Variants in TSHR observed in about 807,000 individuals in gnomAD.
TSHR encodes the protein thyrotropin receptor.
In TSHR, 51 loss-of-function variants were observed where a neutral mutation model predicts 64.1. The observed-to-expected ratio is 0.80, with a 90% CI of 0.64 to 1.01. The LOEUF (loss-of-function observed/expected upper bound fraction) is 1.01. Among genes scored for constraint, TSHR ranks in the 50% least tolerant of loss-of-function variants. The probability of loss-of-function intolerance (pLI) is 0.00; values close to 1 mark genes in which losing one functional copy is unlikely to be tolerated. For synonymous variants in TSHR, 361 were observed against 361.9 expected (o/e 1.00, Z 0.03); for missense variants, 877 against 942.8 (o/e 0.93, Z 0.91).
chr14:81,005,194 C>T (rs1398873654), intron 1 of TSHR, among the ~76,000 whole-genome samples: 1 of 109,322 alleles, frequency 9.1e-6, no homozygotes, highest in African/African-American at 3.7e-5. Context: ...GGGACTCAAG[C>T]CTTTGTGTGT....
intron 2 of TSHR, among the ~76,000 whole-genome samples, chr14:81,067,753 T>C (rs1158289533): frequency 6.8e-6 from 1 of 147,708 alleles, no homozygotes. Context: ...GAAGAGTTCC[T>C]CAAAATAGCA....
At chr14:81,099,875 GTCT>G (rs1368689292) in intron 7 of TSHR, among the ~76,000 whole-genome samples, 1 of 152,174 alleles carries the variant, frequency 6.6e-6, no homozygotes, top group Non-Finnish European at 1.5e-5. Context: ...TTCAAAAGAG[GTCT>G]TCTTCAATCA....
At chr14:81,105,239 T>A in intron 7 of TSHR, 1 of 985,012 alleles carries the variant, frequency 1.0e-6, no homozygotes. Flanking sequence ...AGACTGATAA[T>A]CCCAGGAAAT....
At chr14:80,968,326 C>T (rs534036950) in intron 1 of TSHR, among the ~76,000 whole-genome samples, 1 of 152,114 alleles carries the variant, frequency 6.6e-6, no homozygotes, top group South Asian at 2.1e-4. Context: ...TTATGTCTAG[C>T]TCCCATAATA....
rs144330088 is a variant in TSHR, at chr14:80,971,599, T to G, written c.170+15749T>G. Among the ~76,000 whole-genome samples the G allele has an allele frequency of 3.9e-3, 601 of 152,300 alleles. 7 individuals carry two copies. The highest frequency in any genetic ancestry group is 0.013 in the African/African-American group (542 of 41,562). On this transcript the variant is annotated intron_variant, in intron 1 of 9. Coordinates refer to ENST00000298171, the MANE Select transcript of TSHR (RefSeq NM_000369.5). ...TGCATTGTCATTCACCTTAATCTAT[T>G]TGTTTGGGGTTTTTGTTGGTTTTGT...
At chr14:81,108,856 A>G in intron 8 of TSHR, 1 of 1,474,736 alleles carries the variant, frequency 6.8e-7, no homozygotes, top group Non-Finnish European at 8.9e-7. Context: ...ACAAAGAAGG[A>G]AGAATATAAA....
Position 81,023,591 on chromosome 14 carries a change from T to C in TSHR, c.171-38557T>C, listed in dbSNP as rs1222484641. Among the ~76,000 whole-genome samples the C allele has an allele frequency of 2.6e-5, 4 of 152,140 alleles. No homozygotes were observed. The South Asian group carries it at 6.2e-4, about 24-fold the overall frequency. On this transcript the variant is annotated intron_variant, in intron 1 of 9. Coordinates refer to ENST00000298171, the MANE Select transcript of TSHR (RefSeq NM_000369.5). ...CTGGGTGGCCAGGGGCATTGTTCAA[T>C]ATCAAAAGAACCTTAAATGGCAGTC...
Position 81,146,136 on chromosome 14 carries a change from C to A in TSHR, c.*1783C>A, listed in dbSNP as rs533352869. The stretch of plus-strand genomic sequence containing the variant: ...GTTGCCTTTTGTCATGTGTTTCTCT[C>A]CTGTGACATTTCAAAATATCACATC... On this transcript the variant is annotated 3_prime_UTR_variant, in exon 10 of 10. Transcript: ENST00000298171. 3 of 228,112 alleles carry A rather than the reference C, an allele frequency of 1.3e-5. No individual in the cohort carries two copies. The South Asian group carries it at 5.5e-4, about 42-fold the overall frequency. 14.1% of individuals were successfully genotyped at this position (228,112 alleles called of 1,614,324 possible). A position where few individuals can be genotyped will look rare whatever the true frequency, so the allele number is the denominator to read the frequency against.
intron 7 of TSHR, 103 bp downstream of exon 7, chr14:81,096,810 C>T: frequency 7.7e-7 from 1 of 1,294,974 alleles, no homozygotes; most frequent in Non-Finnish European, 1.1e-6. Flanking sequence ...GAGCATCTTC[C>T]ACGCCAGAGT....
intron 3 of TSHR, among the ~76,000 whole-genome samples, chr14:81,069,403 C>T (rs1886896516): frequency 6.6e-6 from 1 of 152,096 alleles, no homozygotes; most frequent in African/African-American, 2.4e-5. Flanking sequence ...TACATCAGAT[C>T]AACTATTGGT....
chr14:81,105,427 A>G (rs908023293), intron 7 of TSHR, among the ~76,000 whole-genome samples: 8 of 152,216 alleles, frequency 5.3e-5, no homozygotes, highest in African/African-American at 1.9e-4. Flanking sequence ...TGATGGTTTC[A>G]CTTTTAAGCA....
At chr14:80,973,746 T>C (rs1388951484) in intron 1 of TSHR, among the ~76,000 whole-genome samples, 2 of 152,242 alleles carry the variant, frequency 1.3e-5, no homozygotes, top group East Asian at 1.9e-4. Context: ...TATAATAATA[T>C]TGGCTTCTAT....
intron 8 of TSHR, among the ~76,000 whole-genome samples, chr14:81,127,867 C>A (rs376112773): frequency 1.3e-5 from 2 of 152,112 alleles, no homozygotes; most frequent in Non-Finnish European, 2.9e-5. Context: ...TCCATTAAAC[C>A]TTTTTCTTTA....
In TSHR at chr14:81,144,488, G is replaced by A; in HGVS notation, c.*135G>A. On this transcript the variant is annotated 3_prime_UTR_variant, in exon 10 of 10. Coordinates refer to ENST00000298171, the MANE Select transcript of TSHR (RefSeq NM_000369.5). ...GCAGGCGATGTTTCAATGTTTCATG[G>A]GGCAAGAGTTTATCTCTGGAGAGTG... 1.1e-6 allele frequency: 1 copy of A among 908,652 alleles called. No individual in the cohort carries two copies. Among genetic ancestry groups the A allele is most frequent in the Non-Finnish European group, 1.7e-6 (1 of 580,808 alleles). The allele number at this position is 908,652 out of a possible 1,614,324, so 56.3% of individuals were successfully genotyped here. A position where few individuals can be genotyped will look rare whatever the true frequency, so the allele number is the denominator to read the frequency against.
intron 3 of TSHR, among the ~76,000 whole-genome samples, chr14:81,079,973 G>C (rs1349414073): frequency 1.3e-5 from 2 of 151,042 alleles, no homozygotes; most frequent in Non-Finnish European, 2.9e-5. Context: ...TTGTTTTTGA[G>C]ACGGAGTCTT....
At position 81,006,047 on chromosome 14, in the gene TSHR, A is replaced by G. The variant is rs139997287; in HGVS notation, c.170+50197A>G. Among the ~76,000 whole-genome samples the G allele has an allele frequency of 3.3e-4, 51 of 152,296 alleles. No homozygotes were observed. In the East Asian group the frequency reaches 8.7e-3, roughly 26 times the overall value. On this transcript the variant is annotated intron_variant, in intron 1 of 9. Coordinates refer to ENST00000298171, the MANE Select transcript of TSHR (RefSeq NM_000369.5). ...GTAAAAGGCATAACTGGGCTTCACAATGGTATTTTTGACTCATGTATTATC... is the reference window on the plus strand; with the variant it reads ...GTAAAAGGCATAACTGGGCTTCACAGTGGTATTTTTGACTCATGTATTATC...
Position 81,131,204 on chromosome 14 carries a change from C to T in TSHR, c.693-8475C>T, listed in dbSNP as rs1484094781. Among the ~76,000 whole-genome samples, 4 of 152,130 alleles carry T rather than the reference C, an allele frequency of 2.6e-5. No homozygotes were observed. In the South Asian group the frequency reaches 6.2e-4, roughly 24 times the overall value. On this transcript the variant is annotated intron_variant, in intron 8 of 9. Transcript: ENST00000298171. ...TCTTGGAGTCATTCTCAACCCTTCT[C>T]TTTCTCACATACCCCATATCCCATC...
intron 1 of TSHR, among the ~76,000 whole-genome samples, chr14:80,997,337 G>T (rs773645543): frequency 6.6e-6 from 1 of 152,110 alleles, no homozygotes; most frequent in Admixed American, 6.6e-5. Flanking sequence ...AGCTAAACAC[G>T]GACAAATAGT....
chr14:81,100,223 T>C (rs1889488676), intron 7 of TSHR, among the ~76,000 whole-genome samples: 1 of 152,204 alleles, frequency 6.6e-6, no homozygotes, highest in African/African-American at 2.4e-5. Flanking sequence ...GATCTTCTAA[T>C]AAAATCATCT....
Sources: allele counts gnomAD v4.1 joint callset (sites outside exome capture counted in the v4.1 genomes callset), GRCh38; gene constraint gnomAD v4.1.1; transcripts MANE v1.5; gene names NCBI Gene and HGNC (gene_info 2026-07-23, HGNC 2026-07-21).